LIMS1: variants seen among roughly 807,000 people sequenced by gnomAD.
LIMS1 encodes LIM zinc finger domain containing 1.
In LIMS1, 18 loss-of-function variants were observed where a neutral mutation model predicts 44.1. The observed-to-expected ratio is 0.41, with a 90% CI of 0.28 to 0.61. LIMS1 has a LOEUF of 0.61. LIMS1 is among the 20% of genes least tolerant of loss of function. The pLI is 0.32. For missense variants in LIMS1, 201 were observed against 422.0 expected (o/e 0.48, Z 4.59); for synonymous variants, 93 against 149.1 (o/e 0.62, Z 2.74).
At chr2:108,621,596 G>A (rs1688244994) in intron 1 of LIMS1, 1 of 677,624 alleles carries the variant, frequency 1.5e-6, no homozygotes, top group Non-Finnish European at 2.6e-6. Flanking sequence ...ATTAAAAACT[G>A]AACACAATAT....
chr2:108,664,247 G>A (rs1158623258), intron 2 of LIMS1, among the ~76,000 whole-genome samples: 1 of 152,196 alleles, frequency 6.6e-6, no homozygotes, highest in African/African-American at 2.4e-5. Context: ...ACCAAAGGAA[G>A]ATTTGCAACT....
exon 1 of LIMS1, chr2:108,534,564 T>A: frequency 8.4e-7 from 1 of 1,196,834 alleles, no homozygotes; most frequent in Non-Finnish European, 1.0e-6. Flanking sequence ...AGCGGAGAGA[T>A]GCTGGGCGTG....
At chr2:108,657,728 CCCTT>C (rs1399541786) in intron 1 of LIMS1, among the ~76,000 whole-genome samples, 4 of 152,300 alleles carry the variant, frequency 2.6e-5, no homozygotes, top group Non-Finnish European at 2.9e-5. Context: ...TTCCCTTTCT[CCCTT>C]CCTTCCTTTT....
At chr2:108,615,444 C>CT (rs1440890981) in intron 1 of LIMS1, among the ~76,000 whole-genome samples, 2 of 152,028 alleles carry the variant, frequency 1.3e-5, no homozygotes, top group African/African-American at 4.8e-5. Flanking sequence ...GGAGGACCCT[C>CT]TGTTCTCTTT....
At position 108,606,692 on chromosome 2, in the gene LIMS1, A is replaced by G. The variant is rs564733360; in HGVS notation, c.33-52913A>G. Among the ~76,000 whole-genome samples, 56 of 152,342 alleles carry G rather than the reference A, an allele frequency of 3.7e-4. 2 individuals are homozygous for G. The highest frequency in any genetic ancestry group is 6.2e-4 in the South Asian group (3 of 4,826). On this transcript the variant is annotated intron_variant, in intron 1 of 9. Transcript: ENST00000544547. The stretch of plus-strand genomic sequence containing the variant: ...CAAGTGCAACAAAATAGATTTGTCT[A>G]AAGTTCAGTAGGATCCCAGAGGAGA...
chr2:108,556,173 G>A (rs1250569185), intron 1 of LIMS1, among the ~76,000 whole-genome samples: 2 of 152,088 alleles, frequency 1.3e-5, no homozygotes, highest in African/African-American at 4.8e-5. Flanking sequence ...CTCTAGGTAC[G>A]TCATATAAGT....
chr2:108,682,756 A>C (rs1425000005), intron 9 of LIMS1, among the ~76,000 whole-genome samples: 2 of 152,204 alleles, frequency 1.3e-5, no homozygotes, highest in African/African-American at 4.8e-5. Context: ...AGCAAAGTCT[A>C]GTTTAATATA....
chr2:108,650,068 C>G (rs1225319496), intron 1 of LIMS1, among the ~76,000 whole-genome samples: 1 of 150,876 alleles, frequency 6.6e-6, no homozygotes, highest in Non-Finnish European at 1.5e-5. Flanking sequence ...CCTAGCAGAC[C>G]TGCTATTCAG....
At chr2:108,534,813 T>C (rs965411001) in intron 1 of LIMS1, among the ~76,000 whole-genome samples, 4 of 151,822 alleles carry the variant, frequency 2.6e-5, no homozygotes, top group African/African-American at 9.7e-5. Context: ...GTGTCCGCGG[T>C]GGCACAGGCG....
At chr2:108,538,732 C>G (rs1457239761) in intron 1 of LIMS1, among the ~76,000 whole-genome samples, 1 of 152,164 alleles carries the variant, frequency 6.6e-6, no homozygotes, top group Non-Finnish European at 1.5e-5. Flanking sequence ...ACAAAATTTA[C>G]TATTTTAACC....
At chr2:108,643,260 G>A (rs946100289) in intron 1 of LIMS1, among the ~76,000 whole-genome samples, 4 of 152,198 alleles carry the variant, frequency 2.6e-5, no homozygotes, top group Admixed American at 6.5e-5. Flanking sequence ...AGATTGGTGC[G>A]GAAGGCAGGT....
chr2:108,546,349 T>C (rs1684482323), intron 1 of LIMS1, among the ~76,000 whole-genome samples: 1 of 140,630 alleles, frequency 7.1e-6, no homozygotes, highest in African/African-American at 2.6e-5. Context: ...GGATCGATCA[T>C]AGCTCACTGT....
intron 1 of LIMS1, among the ~76,000 whole-genome samples, chr2:108,586,859 G>C (rs1013643405): frequency 5.3e-5 from 8 of 152,148 alleles, no homozygotes; most frequent in African/African-American, 1.7e-4. Flanking sequence ...TGCTGGGAAT[G>C]GGGGAGGGAA....
intron 2 of LIMS1, among the ~76,000 whole-genome samples, chr2:108,663,592 T>A (rs2433813): frequency 1.1e-4 from 16 of 152,182 alleles, no homozygotes; most frequent in Non-Finnish European, 2.1e-4. Context: ...ACTAGGGACC[T>A]GGTGTGCAGC....
At chr2:108,656,751 T>A (rs2148958948) in intron 1 of LIMS1, among the ~76,000 whole-genome samples, 1 of 139,494 alleles carries the variant, frequency 7.2e-6, no homozygotes, top group Admixed American at 7.4e-5. Context: ...TCTACCTATT[T>A]CCTAATTCTA....
intron 1 of LIMS1, among the ~76,000 whole-genome samples, chr2:108,603,072 C>T (rs561011601): frequency 2.6e-5 from 4 of 152,304 alleles, no homozygotes; most frequent in Admixed American, 6.5e-5. Context: ...CAGGCACGAG[C>T]CACTCGCCTG....
At chr2:108,615,649 G>A (rs1687890471) in intron 1 of LIMS1, among the ~76,000 whole-genome samples, 1 of 152,166 alleles carries the variant, frequency 6.6e-6, no homozygotes, top group Non-Finnish European at 1.5e-5. Flanking sequence ...ATGCCTTTGG[G>A]AAATTGCTGA....
rs568683578 is a variant in LIMS1 at position 108,575,593 on chromosome 2, TAGTCAC to T, written c.32+41005_32+41010del. ...CCAAATTCCTGCATTTGTCACCACTTAGTCACAGTCAGGCTATTGGGCTAAGTGGTC... is the reference window on the plus strand; with the variant it reads ...CCAAATTCCTGCATTTGTCACCACTTAGTCAGGCTATTGGGCTAAGTGGTC... On this transcript the variant is annotated intron_variant, in intron 1 of 9. Coordinates refer to ENST00000544547, the Ensembl canonical transcript of LIMS1. 4.6e-5 allele frequency among the ~76,000 whole-genome samples: 7 copies of T among 152,348 alleles called. No individual in the cohort carries two copies. In the East Asian group the frequency reaches 1.3e-3, roughly 29 times the overall value.
chr2:108,609,764 A>T (rs1687484163), intron 1 of LIMS1, among the ~76,000 whole-genome samples: 1 of 152,184 alleles, frequency 6.6e-6, no homozygotes, highest in South Asian at 2.1e-4. Context: ...CACACTGCAC[A>T]CATATACAGC....
Sources: gnomAD v4.1 joint callset for allele counts (sites outside exome capture counted in the v4.1 genomes callset) on GRCh38, gnomAD v4.1.1 for gene constraint, MANE v1.5 for transcripts, NCBI Gene and HGNC (gene_info 2026-07-23, HGNC 2026-07-21) for gene names.